The following SLC10A6 variants were observed in gnomAD, a reference collection of about 807,000 sequenced individuals.
SLC10A6 encodes the protein sodium-dependent organic anion transporter.
SLC10A6 carries 27 observed loss-of-function variants against 30.0 expected under a neutral mutation model. The ratio of observed to expected loss-of-function variants is 0.90; its 90% CI spans 0.66 to 1.24. The LOEUF is 1.24. Among genes scored for constraint, SLC10A6 ranks in the 50% most tolerant of loss-of-function variants. The probability of loss-of-function intolerance (pLI) is 0.00; values close to 1 mark genes in which losing one functional copy is unlikely to be tolerated. For synonymous variants in SLC10A6, 166 were observed against 173.8 expected, an observed-to-expected ratio of 0.95 and a Z score of 0.36; for missense variants, 439 against 457.0, an observed-to-expected ratio of 0.96 and a Z score of 0.36.
At chr4:86,838,912 CA>C (rs149710895) in intron 1 of SLC10A6, among the ~76,000 whole-genome samples, 2,203 of 75,860 alleles carry the variant, frequency 0.029, 16 homozygotes, top group South Asian at 0.062. Context: ...GACAGTGTCT[CA>C]AAAAAAAAAA....
At chr4:86,843,410 A>C (rs956222041) in intron 1 of SLC10A6, among the ~76,000 whole-genome samples, 3 of 152,172 alleles carry the variant, frequency 2.0e-5, no homozygotes, top group Non-Finnish European at 2.9e-5. Flanking sequence ...ATGGGGACAG[A>C]CAAGAGAAAC....
At position 86,833,419 on chromosome 4, in the gene SLC10A6, C is replaced by T; in HGVS notation, c.383G>A (p.Ser128Asn). ...GGCCACGGTGGAACAGGTTGTCATACTGATGCTGAAAGTAAAATTAATACA... is the reference window on the plus strand; with the variant it reads ...GGCCACGGTGGAACAGGTTGTCATATTGATGCTGAAAGTAAAATTAATACA... ...WVDGDMDLSI[S>N]MTTCSTVAAL... Residue 128 changes from serine to asparagine, a missense_variant, in exon 2 of 6, where the codon AGT (serine) becomes AAT (asparagine). Ser to Asn is a conservative substitution (Grantham distance 46, BLOSUM62 1). Transcript: ENST00000273905. 1 of 1,612,170 alleles carries T rather than the reference C, an allele frequency of 6.2e-7. No homozygotes were observed. Among genetic ancestry groups the T allele is most frequent in the Non-Finnish European group, 8.5e-7 (1 of 1,178,330 alleles).
chr4:86,833,517 A>C, intron 1 of SLC10A6, 93 bp from the exon 2 acceptor site: 1 of 890,090 alleles, frequency 1.1e-6, no homozygotes, highest in Non-Finnish European at 1.8e-6. Context: ...ACAATTTCCT[A>C]GAGATTACAT....
chr4:86,827,136 T>G (rs1746011522), intron 4 of SLC10A6, among the ~76,000 whole-genome samples: 1 of 152,178 alleles, frequency 6.6e-6, no homozygotes, highest in Admixed American at 6.5e-5. Context: ...TGTCAGGCTA[T>G]CAGGTATGAA....
intron 1 of SLC10A6, among the ~76,000 whole-genome samples, chr4:86,843,187 GTTGTTT>G (rs149515057): frequency 0.031 from 4,761 of 151,890 alleles, 240 homozygotes; most frequent in African/African-American, 0.11. Flanking sequence ...TCTTTTGAGG[GTTGTTT>G]TTGTAATACA....
In SLC10A6 at chr4:86,848,987, C is replaced by T. The variant is rs1252699582; in HGVS notation, c.129G>A (p.Gly43=). 8.1e-6 allele frequency: 13 copies of T among 1,614,154 alleles called. No individual in the cohort carries two copies. Among genetic ancestry groups the T allele is most frequent in the Non-Finnish European group, 1.1e-5 (13 of 1,180,018 alleles). The change falls in exon 1 of 6, where the codon GGG becomes GGA. Residue 43 remains glycine, a synonymous_variant. Coordinates refer to ENST00000273905, the MANE Select transcript of SLC10A6 (RefSeq NM_197965.3). Reference sequence around the variant, plus strand: ...AACATCCCAAAGAGAACATGAGCAGCCCCATCATCACAGTGGACACCACTG... The same window carrying T: ...AACATCCCAAAGAGAACATGAGCAGTCCCATCATCACAGTGGACACCACTG... ...VFTVVSTVMM[G]LLMFSLGCSV... is the part of the protein sequence containing the mutation.
chr4:86,827,591 T>C (rs1746017393), intron 4 of SLC10A6, among the ~76,000 whole-genome samples: 2 of 152,220 alleles, frequency 1.3e-5, no homozygotes, highest in Non-Finnish European at 2.9e-5. Flanking sequence ...GCTTCAAAAA[T>C]ATACCAAGGA....
intron 3 of SLC10A6, among the ~76,000 whole-genome samples, chr4:86,830,739 C>T (rs1408273371): frequency 6.6e-6 from 1 of 152,114 alleles, no homozygotes; most frequent in East Asian, 1.9e-4. Flanking sequence ...CCAAGCCAAA[C>T]CATAAACCAG....
At chr4:86,829,578 A>G (rs959000643) in intron 3 of SLC10A6, among the ~76,000 whole-genome samples, 4 of 151,760 alleles carry the variant, frequency 2.6e-5, no homozygotes, top group African/African-American at 4.8e-5. Context: ...TCTGAATGTA[A>G]CATCCCCTCT....
At chr4:86,841,291 T>C (rs1414505361) in intron 1 of SLC10A6, among the ~76,000 whole-genome samples, 2 of 152,162 alleles carry the variant, frequency 1.3e-5, no homozygotes, top group Admixed American at 6.5e-5. Context: ...TTCAAGCCCA[T>C]GGTGATCATG....
intron 1 of SLC10A6, among the ~76,000 whole-genome samples, chr4:86,838,431 T>C (rs929611745): frequency 6.6e-6 from 1 of 152,202 alleles, no homozygotes; most frequent in Non-Finnish European, 1.5e-5. Flanking sequence ...CGTTAAATAC[T>C]TACTGAATAA....
chr4:86,830,166 C>T (rs1324278320), intron 3 of SLC10A6, among the ~76,000 whole-genome samples: 1 of 152,142 alleles, frequency 6.6e-6, no homozygotes, highest in Admixed American at 6.6e-5. Flanking sequence ...GAGGCCAAGG[C>T]CAGAGGATCC....
intron 1 of SLC10A6, chr4:86,837,740 G>T: frequency 2.1e-6 from 1 of 468,878 alleles, no homozygotes; most frequent in Non-Finnish European, 2.8e-6. Context: ...ATACCCATCA[G>T]ACCAGTCAAA....
intron 4 of SLC10A6, 33 bp from the exon 5 acceptor site, chr4:86,825,610 A>G (rs369217442): frequency 1.3e-6 from 2 of 1,555,504 alleles, no homozygotes; most frequent in African/African-American, 1.3e-5. Context: ...AGAGTAACGC[A>G]CTAGCAATAA....
Position 86,828,117 on chromosome 4 carries a change from C to T in SLC10A6, c.637G>A (p.Val213Met), listed in dbSNP as rs1425327077. ...VLLLVVAVAG[V>M]VLAKGSWNSD... ...TTCCAAGATCCTTTCGCCAGGACCA[C>T]ACCAGCAACTGCGACCACCAGAAGG... The change falls in exon 4 of 6, where the codon GTG becomes ATG. Residue 213 changes from valine (V) to methionine (M), a missense_variant. By Grantham distance (21) the Val-to-Met change is conservative. Coordinates refer to ENST00000273905, the MANE Select transcript of SLC10A6 (RefSeq NM_197965.3). The T allele has an allele frequency of 1.9e-6, 3 of 1,613,694 alleles. No individual in the cohort carries two copies. Among genetic ancestry groups the T allele is most frequent in the Non-Finnish European group, 2.5e-6 (3 of 1,179,866 alleles).
At chr4:86,846,448 C>T (rs958189122) in intron 1 of SLC10A6, among the ~76,000 whole-genome samples, 5 of 152,064 alleles carry the variant, frequency 3.3e-5, no homozygotes, top group Non-Finnish European at 7.4e-5. Context: ...AGCCAGGCGC[C>T]GTGGCTCACG....
intron 5 of SLC10A6, among the ~76,000 whole-genome samples, chr4:86,825,119 CAT>C (rs1745956600): frequency 6.6e-6 from 1 of 152,168 alleles, no homozygotes; most frequent in Admixed American, 6.5e-5. Flanking sequence ...AATGATTGCT[CAT>C]AGAGATCTTG....
At chr4:86,840,153 A>T (rs534247010) in intron 1 of SLC10A6, among the ~76,000 whole-genome samples, 1 of 151,826 alleles carries the variant, frequency 6.6e-6, no homozygotes, top group Non-Finnish European at 1.5e-5. Context: ...TCCGGACCTC[A>T]GGTGATCCAC....
intron 4 of SLC10A6, 140 bp downstream of exon 4, chr4:86,827,853 C>G: frequency 8.8e-6 from 6 of 679,626 alleles, no homozygotes; most frequent in Non-Finnish European, 1.3e-5. Flanking sequence ...GAATGACCCT[C>G]TTTTATGCTT....
Sources: gnomAD v4.1 joint callset for allele counts (sites outside exome capture counted in the v4.1 genomes callset) on GRCh38, gnomAD v4.1.1 for gene constraint, MANE v1.5 for transcripts, NCBI Gene and HGNC (gene_info 2026-07-23, HGNC 2026-07-21) for gene names.